The following EPG5 variants were observed in gnomAD, a reference collection of about 807,000 sequenced individuals.
EPG5 encodes the protein ectopic P-granules 5 autophagy tethering factor.
In EPG5, 159 loss-of-function variants were observed where a neutral mutation model predicts 302.7. The observed-to-expected ratio is 0.53, with a 90% CI of 0.46 to 0.60. The LOEUF (loss-of-function observed/expected upper bound fraction) is 0.60. Among genes scored for constraint, EPG5 ranks in the 20% least tolerant of loss-of-function variants. The pLI, the probability that EPG5 is intolerant of heterozygous loss-of-function variation, is 0.00. For missense variants in EPG5, 2,896 were observed against 3,092.4 expected (o/e 0.94, Z 1.51); for synonymous variants, 1,158 against 1,136.8 (o/e 1.02, Z -0.37).
chr18:45,946,712 G>A lies in EPG5; in HGVS notation c.1628C>T (p.Ser543Leu). ...CGTCCAAGTCCCAGACCCAGGCCCT[G>A]AGGAGGATGGCTTCCGCTCGCTGGG... ...MKPSERKPSS[S>L]GPGSGTWTLV... Residue 543 changes from serine to leucine, a missense_variant, in exon 7 of 44, where the codon TCA becomes TTA. This residue lies in a region of EPG5 where 1,390 missense variants were observed against 1,430.0 expected (regional missense o/e 0.97). Coordinates refer to ENST00000282041, the MANE Select transcript of EPG5 (RefSeq NM_020964.3). 6.2e-7 allele frequency: 1 copy of A among 1,614,192 alleles called. No individual in the cohort carries two copies. The highest frequency in any genetic ancestry group is 2.2e-5 in the East Asian group (1 of 44,882).
At chr18:45,826,107 A>G in the EPG5 span, among the ~76,000 whole-genome samples, 3 of 152,158 alleles carry the variant, frequency 2.0e-5, no homozygotes, top group Non-Finnish European at 4.4e-5. Flanking sequence ...CAGGCTCTGA[A>G]CAAGCTTCTT....
At chr18:45,963,431 G>GT (rs2051189216) in intron 1 of EPG5, among the ~76,000 whole-genome samples, 1 of 152,182 alleles carries the variant, frequency 6.6e-6, no homozygotes, top group African/African-American at 2.4e-5. Context: ...GAGGCCAGGA[G>GT]TTTGAGAAGA....
intron 16 of EPG5, 75 bp downstream of exon 16, chr18:45,922,266 T>C: frequency 6.5e-7 from 1 of 1,548,844 alleles, no homozygotes; most frequent in South Asian, 1.2e-5. Context: ...GCCTCAGAAC[T>C]TGGGATATGA....
rs768582024 is a variant in EPG5, at chr18:45,853,014, A to G, written c.7558-365T>C. Among the ~76,000 whole-genome samples, 64 of 152,284 alleles carry G rather than the reference A, an allele frequency of 4.2e-4. 1 individual carries two copies. The highest frequency in any genetic ancestry group is 1.4e-3 in the Admixed American group (22 of 15,306). On this transcript the variant is annotated intron_variant, in intron 43 of 43. Transcript: ENST00000282041. ...AGCCTGCCTTGTCCTCGTTCTCCCC[A>G]GTCCCACCTGTGGGGTCCTCCCCAC...
At chr18:45,831,324 A>AT in the EPG5 span, among the ~76,000 whole-genome samples, 1 of 152,190 alleles carries the variant, frequency 6.6e-6, no homozygotes, top group African/African-American at 2.4e-5. Flanking sequence ...TCTTTCCACT[A>AT]TTTTTTACTA....
intron 10 of EPG5, among the ~76,000 whole-genome samples, chr18:45,938,850 T>A (rs887446626): frequency 2.0e-5 from 3 of 152,056 alleles, no homozygotes; most frequent in African/African-American, 7.2e-5. Context: ...ACAGAATAAA[T>A]CAGGGGCTAA....
At chr18:45,876,412 G>C in intron 34 of EPG5, 70 bp from the exon 35 acceptor site, 2 of 1,320,564 alleles carry the variant, frequency 1.5e-6, no homozygotes, top group South Asian at 1.2e-5. Flanking sequence ...CCAGTGTCTA[G>C]GGCTGGCCTA....
chr18:45,930,746 T>A lies in EPG5; in HGVS notation c.2342A>T (p.Gln781Leu). Reference protein sequence around the residue: ...EEICLLTTFAQMAQARRTNVD... With the variant: ...EEICLLTTFALMAQARRTNVD... ...ATTGGTTCTTCTGGCCTGAGCCATCTGAGCAAAGGTAGTCAGAAGGCAAAT... is the reference window on the plus strand; with the variant it reads ...ATTGGTTCTTCTGGCCTGAGCCATCAGAGCAAAGGTAGTCAGAAGGCAAAT... Residue 781 changes from glutamine to leucine, a missense_variant, in exon 12 of 44, where the codon CAG becomes CTG. Coordinates refer to ENST00000282041, the MANE Select transcript of EPG5 (RefSeq NM_020964.3). The A allele has an allele frequency of 6.2e-7, 1 of 1,611,682 alleles. No individual in the cohort carries two copies. Among genetic ancestry groups the A allele is most frequent in the East Asian group, 2.2e-5 (1 of 44,746 alleles).
At chr18:45,914,762 G>A (rs2049991010) in intron 20 of EPG5, among the ~76,000 whole-genome samples, 1 of 152,172 alleles carries the variant, frequency 6.6e-6, no homozygotes, top group South Asian at 2.1e-4. Flanking sequence ...AGTCTCTGCA[G>A]TCCGGCTGGC....
chr18:45,938,366 G>C (rs752636861), intron 10 of EPG5, among the ~76,000 whole-genome samples: 3 of 151,618 alleles, frequency 2.0e-5, no homozygotes, highest in Non-Finnish European at 4.4e-5. Flanking sequence ...GAAGGCTGAG[G>C]TGGAAGAGTT....
the EPG5 span, among the ~76,000 whole-genome samples, chr18:45,824,903 G>A: frequency 7.2e-5 from 11 of 152,048 alleles, no homozygotes; most frequent in South Asian, 1.5e-3. Context: ...CTGGGGACTC[G>A]CAGCTGATTG....
rs2145310571 is a variant in EPG5 at position 45,870,699 on chromosome 18, C to T, written c.6093G>A (p.Leu2031=). Residue 2031 remains leucine (L), a synonymous_variant, in exon 36 of 44, where the codon CTG becomes CTA. Coordinates refer to ENST00000282041, the MANE Select transcript of EPG5 (RefSeq NM_020964.3). ...PGDAGALWLH[L]MHYCEACTAP... is the part of the protein sequence containing the mutation. ...CTGTACATGCTTCACAATAATGCAT[C>T]AGGTGCAACCAAAGGGCTCCTGCAT... 1 of 1,610,892 alleles carries T rather than the reference C, an allele frequency of 6.2e-7. No individual in the cohort carries two copies. The highest frequency in any genetic ancestry group is 8.5e-7 in the Non-Finnish European group (1 of 1,178,556).
At chr18:45,921,820 G>A (rs189639421) in intron 16 of EPG5, among the ~76,000 whole-genome samples, 216 of 152,196 alleles carry the variant, frequency 1.4e-3, no homozygotes, top group African/African-American at 5.0e-3. Flanking sequence ...CATGGGGTGG[G>A]GGGCTGGGTG....
chr18:45,924,228 T>C (rs946130583), intron 14 of EPG5, among the ~76,000 whole-genome samples: 1 of 152,200 alleles, frequency 6.6e-6, no homozygotes, highest in African/African-American at 2.4e-5. Flanking sequence ...TTCAGAAAGA[T>C]GACTTTCCTA....
chr18:45,827,893 A>G, the EPG5 span, among the ~76,000 whole-genome samples: 4 of 152,242 alleles, frequency 2.6e-5, no homozygotes, highest in African/African-American at 9.6e-5. Flanking sequence ...CACATGTTCA[A>G]AAACAAACGC....
At chr18:45,918,749 T>C (rs1347691780) in intron 16 of EPG5, among the ~76,000 whole-genome samples, 1 of 152,188 alleles carries the variant, frequency 6.6e-6, no homozygotes, top group African/African-American at 2.4e-5. Flanking sequence ...ACTTCTGCTA[T>C]AAAGATACTA....
intron 2 of EPG5, 35 bp from the exon 3 acceptor site, chr18:45,952,678 G>A (rs2050939315): frequency 6.2e-7 from 1 of 1,606,008 alleles, no homozygotes; most frequent in Non-Finnish European, 8.5e-7. Flanking sequence ...TATGAAACCA[G>A]TTACTCTTTC....
chr18:45,917,389 G>C (rs1333283746), intron 17 of EPG5, among the ~76,000 whole-genome samples: 1 of 152,186 alleles, frequency 6.6e-6, no homozygotes, highest in African/African-American at 2.4e-5. Context: ...ACGATTCCCA[G>C]AATCTCAGGG....
chr18:45,805,161 C>A, the EPG5 span, among the ~76,000 whole-genome samples: 1 of 151,854 alleles, frequency 6.6e-6, no homozygotes, highest in East Asian at 1.9e-4. Context: ...CTAAAAGGCA[C>A]TAAATGCAAT....
Sources: gnomAD v4.1 joint callset for allele counts (sites outside exome capture counted in the v4.1 genomes callset) on GRCh38, gnomAD v4.1.1 for gene constraint, gnomAD v4.1.1 regional missense constraint, MANE v1.5 for transcripts, NCBI Gene and HGNC (gene_info 2026-07-23, HGNC 2026-07-21) for gene names.